The following FGD3 variants were observed in gnomAD, a reference collection of about 807,000 sequenced individuals.
FGD3 encodes FYVE, RhoGEF and PH domain-containing protein 3.
FGD3 carries 45 observed loss-of-function variants against 71.8 expected under a neutral mutation model. The ratio of observed to expected loss-of-function variants is 0.63; its 90% CI spans 0.49 to 0.80. The LOEUF is 0.80. FGD3 is among the 30% of genes least tolerant of loss of function. The pLI, the probability that FGD3 is intolerant of heterozygous loss-of-function variation, is 0.00. For missense variants in FGD3, 844 were observed against 951.5 expected, an observed-to-expected ratio of 0.89 and a Z score of 1.49; for synonymous variants, 378 against 392.8, an observed-to-expected ratio of 0.96 and a Z score of 0.44.
intron 1 of FGD3, among the ~76,000 whole-genome samples, chr9:92,967,782 C>G (rs1332690477): frequency 6.6e-6 from 1 of 152,162 alleles, no homozygotes; most frequent in East Asian, 1.9e-4. Context: ...ATCATGTTGA[C>G]CAGGCTGGTC....
At chr9:92,995,714 CT>C (rs1293526478) in intron 3 of FGD3, among the ~76,000 whole-genome samples, 2 of 152,126 alleles carry the variant, frequency 1.3e-5, no homozygotes, top group African/African-American at 4.8e-5. Context: ...AAGGCCTTTT[CT>C]GCATCTATTG....
At chr9:93,034,790 T>C in intron 17 of FGD3, 109 bp downstream of exon 17, 1 of 1,264,460 alleles carries the variant, frequency 7.9e-7, no homozygotes, top group Non-Finnish European at 1.1e-6. Flanking sequence ...GCTTGAGCAG[T>C]GTTACCTGGG....
intron 9 of FGD3, among the ~76,000 whole-genome samples, chr9:93,014,420 C>A (rs1861578403): frequency 6.6e-6 from 1 of 152,114 alleles, no homozygotes; most frequent in African/African-American, 2.4e-5. Flanking sequence ...TCGAGACCCC[C>A]CCGGGTGCCA....
At chr9:92,952,007 C>T (rs1395473888) in intron 1 of FGD3, among the ~76,000 whole-genome samples, 1 of 152,086 alleles carries the variant, frequency 6.6e-6, no homozygotes, top group Admixed American at 6.6e-5. Flanking sequence ...CCTGATCTTG[C>T]TTTTAAACAA....
chr9:93,029,005 T>TTTG (rs1862249068), intron 14 of FGD3, among the ~76,000 whole-genome samples: 1 of 48,548 alleles, frequency 2.1e-5, no homozygotes, highest in Non-Finnish European at 3.8e-5. Flanking sequence ...GTTTTTTTTT[T>TTTG]TTTTTTTTTT....
chr9:92,956,263 C>T (rs1859048975), intron 1 of FGD3, among the ~76,000 whole-genome samples: 1 of 152,158 alleles, frequency 6.6e-6, no homozygotes, highest in Non-Finnish European at 1.5e-5. Context: ...ATTGCACTGG[C>T]TAGAACCTTC....
chr9:92,984,387 C>G (rs1016566387), intron 3 of FGD3, among the ~76,000 whole-genome samples: 6 of 152,202 alleles, frequency 3.9e-5, no homozygotes, highest in Admixed American at 1.3e-4. Flanking sequence ...TTGAATTAGA[C>G]AAATTAATTT....
At position 93,003,981 on chromosome 9, in the gene FGD3, G is replaced by A; in HGVS notation, c.544-20G>A. 1.9e-6 allele frequency: 3 copies of A among 1,613,620 alleles called. No individual in the cohort carries two copies. In the African/African-American group the frequency reaches 4.0e-5, roughly 21 times the overall value. Reference sequence around the variant, plus strand: ...AGTGGAAGAGGCTCACTGGCCACACGTGGGCTTCTCTATGCTCAGGTTTTC... The same window carrying A: ...AGTGGAAGAGGCTCACTGGCCACACATGGGCTTCTCTATGCTCAGGTTTTC... On this transcript the variant is annotated intron_variant, in intron 4 of 17. Coordinates refer to ENST00000375482, the MANE Select transcript of FGD3 (RefSeq NM_001083536.2). This position sits in a 1 kb window ranked among gnomAD's most constrained non-coding sequence, Gnocchi z 4.1.
At chr9:92,985,615 A>G (rs558345944) in intron 3 of FGD3, among the ~76,000 whole-genome samples, 1 of 152,206 alleles carries the variant, frequency 6.6e-6, no homozygotes, top group East Asian at 1.9e-4. Flanking sequence ...AGTATCTGGG[A>G]TTACGGGTGT....
intron 16 of FGD3, chr9:93,033,132 C>T (rs1223589234): frequency 5.6e-6 from 3 of 532,456 alleles, no homozygotes; most frequent in Non-Finnish European, 7.0e-6. Context: ...GAACAAGTGT[C>T]ACTCCTGGTC....
At chr9:92,948,487 C>G (rs896801475) in intron 1 of FGD3, among the ~76,000 whole-genome samples, 1 of 152,228 alleles carries the variant, frequency 6.6e-6, no homozygotes, top group Non-Finnish European at 1.5e-5. Flanking sequence ...TGCATGTTTC[C>G]TATGCTCTGT....
intron 3 of FGD3, among the ~76,000 whole-genome samples, chr9:92,979,447 C>T (rs1001571914): frequency 3.7e-4 from 56 of 152,120 alleles, no homozygotes; most frequent in African/African-American, 1.3e-3. Flanking sequence ...AGTTGCATTC[C>T]AGGAATAAAC....
chr9:93,035,290 G>C (rs769887892), intron 17 of FGD3, 48 bp from the exon 18 acceptor site: 1 of 1,579,594 alleles, frequency 6.3e-7, no homozygotes, highest in Admixed American at 1.7e-5. Flanking sequence ...AGGTGAGCCC[G>C]AGGCCGGGAA....
chr9:92,968,333 A>C (rs756263395), intron 1 of FGD3, among the ~76,000 whole-genome samples: 14 of 151,986 alleles, frequency 9.2e-5, no homozygotes, highest in Non-Finnish European at 2.1e-4. Context: ...ACAAACGGGG[A>C]GGTGCTGCGT....
intron 14 of FGD3, among the ~76,000 whole-genome samples, chr9:93,029,157 G>C (rs939847170): frequency 7.9e-5 from 12 of 151,416 alleles, no homozygotes; most frequent in Admixed American, 7.9e-4. Context: ...TCAGCCTCCC[G>C]AGTAGCTGGG....
rs77163097 is a variant in FGD3 at position 92,970,999 on chromosome 9, G to T, written c.-217-4239G>T. On this transcript the variant is annotated intron_variant, in intron 1 of 17. Coordinates refer to ENST00000375482, the MANE Select transcript of FGD3 (RefSeq NM_001083536.2). ...ATTACCTTTTTTATTTTAAAACAAC[G>T]CATACTCTGTAAAAAGTCCTTGCAA... Among the ~76,000 whole-genome samples the T allele has an allele frequency of 6.8e-3, 1,036 of 152,266 alleles. 7 individuals are homozygous for T. The highest frequency in any genetic ancestry group is 0.017 in the Middle Eastern group (5 of 294).
chr9:92,979,491 T>C (rs1196342132), intron 3 of FGD3, among the ~76,000 whole-genome samples: 1 of 152,228 alleles, frequency 6.6e-6, no homozygotes, highest in Non-Finnish European at 1.5e-5. Context: ...CAATGTACTG[T>C]TGAATTTCAT....
rs1025868891 is a variant in FGD3, at chr9:93,006,193, G to A, written c.837+13G>A. On this transcript the variant is annotated intron_variant, in intron 6 of 17. Coordinates refer to ENST00000375482, the MANE Select transcript of FGD3 (RefSeq NM_001083536.2). ...CCACAGCATCCAGGTAAGGCCGGCA[G>A]TGGGAGTGTGGACACAGATGTTCTC... 3.9e-6 allele frequency: 6 copies of A among 1,543,438 alleles called. No homozygotes were observed. The highest frequency in any genetic ancestry group is 5.3e-6 in the Non-Finnish European group (6 of 1,141,210).
intron 3 of FGD3, among the ~76,000 whole-genome samples, chr9:92,988,524 A>G (rs560041434): frequency 5.9e-5 from 9 of 152,124 alleles, no homozygotes; most frequent in African/African-American, 1.9e-4. Context: ...TCCCCTGCTC[A>G]TGTCTGCCTG....
Sources: allele counts gnomAD v4.1 joint callset (sites outside exome capture counted in the v4.1 genomes callset), GRCh38; gene constraint gnomAD v4.1.1; non-coding constraint Gnocchi (gnomAD v3.1); transcripts MANE v1.5; gene names NCBI Gene and HGNC (gene_info 2026-07-23, HGNC 2026-07-21).